The following LRIG1 variants were observed in gnomAD, a reference collection of about 807,000 sequenced individuals.
The protein encoded by LRIG1 is leucine-rich repeats and immunoglobulin-like domains protein 1.
A neutral mutation model predicts 99.2 loss-of-function variants in LRIG1; 48 were observed. The observed-to-expected ratio is 0.48, with a 90% CI of 0.38 to 0.62. The LOEUF is 0.62. Among genes scored for constraint, LRIG1 ranks in the 20% least tolerant of loss-of-function variants. The pLI is 0.00. For synonymous variants in LRIG1, 772 were observed against 596.1 expected, an observed-to-expected ratio of 1.29 and a Z score of -4.30; for missense variants, 1,646 against 1,434.4, an observed-to-expected ratio of 1.15 and a Z score of -2.38.
At chr3:66,388,295 C>T (rs377703916) in intron 12 of LRIG1, among the ~76,000 whole-genome samples, 1 of 151,694 alleles carries the variant, frequency 6.6e-6, no homozygotes, top group African/African-American at 2.4e-5. Flanking sequence ...GAACTTGAGA[C>T]AGTCAACTGA....
chr3:66,494,391 G>A (rs1271031409), intron 1 of LRIG1, among the ~76,000 whole-genome samples: 1 of 152,170 alleles, frequency 6.6e-6, no homozygotes, highest in Non-Finnish European at 1.5e-5. Context: ...ATTTAACACA[G>A]TAAAGGTGAG....
chr3:66,389,120 A>G (rs1305424088), intron 12 of LRIG1, among the ~76,000 whole-genome samples: 1 of 152,188 alleles, frequency 6.6e-6, no homozygotes, highest in East Asian at 1.9e-4. Flanking sequence ...ATAGGAACAT[A>G]ATTTTTGCAT....
intron 1 of LRIG1, among the ~76,000 whole-genome samples, chr3:66,497,747 G>A (rs972449001): frequency 1.4e-5 from 2 of 141,440 alleles, no homozygotes; most frequent in Non-Finnish European, 3.0e-5. Flanking sequence ...AAAGCCACAG[G>A]TCCTCTGCTA....
chr3:66,411,059 G>T (rs1702448848), intron 6 of LRIG1, among the ~76,000 whole-genome samples: 1 of 152,288 alleles, frequency 6.6e-6, no homozygotes, highest in East Asian at 1.9e-4. Context: ...CTGACTCCAT[G>T]GGGTCACTAT....
At chr3:66,495,110 T>A (rs973163636) in intron 1 of LRIG1, among the ~76,000 whole-genome samples, 2 of 152,156 alleles carry the variant, frequency 1.3e-5, no homozygotes, top group African/African-American at 4.8e-5. Flanking sequence ...GATAACCACA[T>A]AACTGACATA....
At chr3:66,453,436 G>A (rs879398807) in intron 2 of LRIG1, among the ~76,000 whole-genome samples, 6 of 152,188 alleles carry the variant, frequency 3.9e-5, no homozygotes, top group Non-Finnish European at 8.8e-5. Context: ...CAGATGTTAA[G>A]TAATTTGACC....
At chr3:66,452,373 G>A (rs904186980) in intron 2 of LRIG1, among the ~76,000 whole-genome samples, 3 of 152,130 alleles carry the variant, frequency 2.0e-5, no homozygotes, top group Non-Finnish European at 4.4e-5. Context: ...AGCACGGCTC[G>A]CCTGGTCTGC....
intron 7 of LRIG1, 182 bp downstream of exon 7, chr3:66,409,947 G>A (rs1425043019): frequency 1.6e-5 from 9 of 549,834 alleles, no homozygotes; most frequent in Admixed American, 1.1e-4. Context: ...AGATGAGGAA[G>A]GGACTGGGGC....
intron 1 of LRIG1, among the ~76,000 whole-genome samples, chr3:66,474,369 G>A (rs1012682771): frequency 3.4e-5 from 5 of 149,206 alleles, no homozygotes; most frequent in African/African-American, 1.2e-4. Flanking sequence ...TTTTGAAATG[G>A]AGTTTCACTC....
rs201707611 is a variant in LRIG1 at position 66,412,847 on chromosome 3, G to A, written c.791+24C>T. 2.5e-6 allele frequency: 4 copies of A among 1,613,092 alleles called. No homozygotes were observed. The South Asian group carries it at 4.4e-5, about 18-fold the overall frequency. On this transcript the variant is annotated intron_variant, in intron 6 of 18. Coordinates refer to ENST00000273261, the MANE Select transcript of LRIG1 (RefSeq NM_015541.3). ...ACACCGCACAGCAATCCTTAGCAAT[G>A]CCAGTAACCTGGTCCGCACTTACAG...
Position 66,437,443 on chromosome 3 carries a change from T to C in LRIG1, c.365+14116A>G, listed in dbSNP as rs182028364. 3.3e-5 allele frequency among the ~76,000 whole-genome samples: 5 copies of C among 152,252 alleles called. No homozygotes were observed. The East Asian group carries it at 9.7e-4, about 29-fold the overall frequency. On this transcript the variant is annotated intron_variant, in intron 3 of 18. Transcript: ENST00000273261. ...TGGCAGTTTCCACTAATACTTTTTC[T>C]CCCTTGACACCCTGCCTGCCTCTTC...
intron 7 of LRIG1, among the ~76,000 whole-genome samples, chr3:66,408,913 A>AGTTTGTGTGTGTGTGTGTGTGT (rs1702366972): frequency 2.9e-5 from 1 of 34,858 alleles, no homozygotes; most frequent in South Asian, 1.3e-3. Context: ...ACTCCAAGTC[A>AGTTTGTGTGTGTGTGTGTGTGT]GTGTGTGTGT....
At chr3:66,486,359 T>C (rs116715436) in intron 1 of LRIG1, among the ~76,000 whole-genome samples, 1 of 152,120 alleles carries the variant, frequency 6.6e-6, no homozygotes, top group Non-Finnish European at 1.5e-5. Context: ...GCCCCAGAGC[T>C]GCCTCTTAAC....
chr3:66,500,136 T>A (rs1212348768), intron 1 of LRIG1, 54 bp downstream of exon 1: 34 of 1,406,446 alleles, frequency 2.4e-5, no homozygotes, highest in Non-Finnish European at 3.3e-5. Context: ...CGCCGCTCCA[T>A]CCCCAAGTGA....
chr3:66,466,798 A>G (rs1700482225), intron 1 of LRIG1, among the ~76,000 whole-genome samples: 1 of 152,238 alleles, frequency 6.6e-6, no homozygotes, highest in Non-Finnish European at 1.5e-5. Context: ...TCTCCTGTCA[A>G]AACAATTCAT....
rs546319072 is a variant in LRIG1, at chr3:66,436,222, C to T, written c.365+15337G>A. ...ACTTGGCCAAGGAAGACGTGCCAGA[C>T]GTGCATGCCCAGAAAGTGGCAGACG... is the stretch of plus-strand genomic sequence containing the variant. On this transcript the variant is annotated intron_variant, in intron 3 of 18. Transcript: ENST00000273261. Among the ~76,000 whole-genome samples, 12 of 152,216 alleles carry T rather than the reference C, an allele frequency of 7.9e-5. 1 individual carries two copies. The South Asian group carries it at 2.3e-3, about 29-fold the overall frequency.
chr3:66,470,438 T>A (rs987236964), intron 1 of LRIG1, among the ~76,000 whole-genome samples: 2 of 151,720 alleles, frequency 1.3e-5, no homozygotes, highest in Non-Finnish European at 2.9e-5. Flanking sequence ...AAAAGTAAAA[T>A]AAGGAATGGA....
chr3:66,406,349 CAA>C (rs1702268773), intron 8 of LRIG1: 1 of 985,504 alleles, frequency 1.0e-6, no homozygotes, highest in Admixed American at 6.1e-5. Context: ...CCCTGGCTGC[CAA>C]AGTTTTTCTC....
chr3:66,457,814 T>C (rs1276110107), intron 2 of LRIG1, among the ~76,000 whole-genome samples: 1 of 152,098 alleles, frequency 6.6e-6, no homozygotes, highest in Non-Finnish European at 1.5e-5. Context: ...TGTCTTAACA[T>C]CCCCCACACT....
Sources: gnomAD v4.1 joint callset for allele counts (sites outside exome capture counted in the v4.1 genomes callset) on GRCh38, gnomAD v4.1.1 for gene constraint, MANE v1.5 for transcripts, NCBI Gene and HGNC (gene_info 2026-07-23, HGNC 2026-07-21) for gene names.